Variants in MLF1 observed in about 807,000 individuals in gnomAD.
MLF1 encodes myeloid leukemia factor 1, also known as myelodysplasia-myeloid leukemia factor 1.
A neutral mutation model predicts 38.3 loss-of-function variants in MLF1; 37 were observed. That is an observed-to-expected ratio of 0.96 (90% confidence interval 0.74 to 1.27). MLF1 has a LOEUF of 1.27. MLF1 is among the 50% of genes most tolerant of loss of function. The pLI is 0.00. For synonymous variants in MLF1, 95 were observed against 106.5 expected (o/e 0.89, Z 0.66); for missense variants, 331 against 349.2 (o/e 0.95, Z 0.42).
intron 1 of MLF1, among the ~76,000 whole-genome samples, chr3:158,589,111 A>G (rs1717753097): frequency 1.3e-5 from 2 of 152,232 alleles, no homozygotes; most frequent in Non-Finnish European, 2.9e-5. Flanking sequence ...AAGAATAGTT[A>G]GTAATTTTGC....
Position 158,592,582 on chromosome 3 carries a change from G to T in MLF1, c.195+1G>T, listed in dbSNP as rs767517731. On this transcript the variant is annotated splice_donor_variant, in intron 2 of 7. Transcript: ENST00000466246. LOFTEE classifies it high-confidence loss of function. ...TAATGATGGTGAAGATTCTTTGACT[G>T]TAAGTTCTTTTTTTTAAGACAGTTA... 6.3e-7 allele frequency: 1 copy of T among 1,590,296 alleles called. No individual in the cohort carries two copies. The highest frequency in any genetic ancestry group is 8.5e-7 in the Non-Finnish European group (1 of 1,172,672).
At chr3:158,590,689 A>G (rs1717986488) in intron 1 of MLF1, 2 of 421,482 alleles carry the variant, frequency 4.7e-6, no homozygotes, top group Admixed American at 3.0e-5. Context: ...AGACCAAACT[A>G]TAATGACAGA....
intron 3 of MLF1, among the ~76,000 whole-genome samples, chr3:158,593,782 G>C (rs988087399): frequency 6.6e-6 from 1 of 151,928 alleles, no homozygotes; most frequent in Admixed American, 6.6e-5. Context: ...GTACTAAACT[G>C]TAGATAGATA....
chr3:158,588,982 G>T (rs1357995505), intron 1 of MLF1: 10 of 435,738 alleles, frequency 2.3e-5, no homozygotes, highest in Admixed American at 1.5e-4. Context: ...GTTTAAATAG[G>T]AGTTTCCCCT....
intron 6 of MLF1, 108 bp downstream of exon 6, chr3:158,600,281 T>C (rs540320463): frequency 1.9e-6 from 1 of 539,518 alleles, no homozygotes; most frequent in East Asian, 3.7e-5. Context: ...TTTTGAATAA[T>C]GCATGTAGAG....
At chr3:158,585,714 G>A (rs1023927032) in intron 1 of MLF1, among the ~76,000 whole-genome samples, 3 of 152,070 alleles carry the variant, frequency 2.0e-5, no homozygotes, top group African/African-American at 7.2e-5. Context: ...ATTCAACACA[G>A]AATCACAGAG....
At chr3:158,593,534 C>A in intron 3 of MLF1, 108 bp downstream of exon 3, 1 of 817,682 alleles carries the variant, frequency 1.2e-6, no homozygotes, top group South Asian at 2.0e-5. Flanking sequence ...TCCATAATGG[C>A]TTTTTAATGT....
At chr3:158,592,153 G>A (rs1718247312) in intron 1 of MLF1, among the ~76,000 whole-genome samples, 1 of 152,154 alleles carries the variant, frequency 6.6e-6, no homozygotes, top group Non-Finnish European at 1.5e-5. Context: ...CAGCATGGCT[G>A]TATGGATCAT....
chr3:158,582,700 T>C, intron 1 of MLF1: 1 of 495,882 alleles, frequency 2.0e-6, no homozygotes, highest in Non-Finnish European at 3.5e-6. Context: ...ATATAAAGTG[T>C]TGAGAGGAAA....
chr3:158,588,600 C>CA (rs67267045), intron 1 of MLF1, among the ~76,000 whole-genome samples: 458 of 50,446 alleles, frequency 9.1e-3, no homozygotes, highest in Non-Finnish European at 0.013. Flanking sequence ...GACTCCGTCT[C>CA]AAAAAAAAAA....
At chr3:158,583,125 TC>T (rs1397588819) in intron 1 of MLF1, among the ~76,000 whole-genome samples, 2 of 152,190 alleles carry the variant, frequency 1.3e-5, no homozygotes, top group African/African-American at 4.8e-5. Context: ...AATGTTCTTT[TC>T]TCCTTTGTGT....
intron 1 of MLF1, among the ~76,000 whole-genome samples, chr3:158,583,081 G>A (rs141033477): frequency 2.5e-3 from 375 of 152,096 alleles, no homozygotes; most frequent in African/African-American, 8.7e-3. Context: ...TGTATATCCC[G>A]GCCTTAAGTC....
At chr3:158,585,678 A>G (rs1038190146) in intron 1 of MLF1, among the ~76,000 whole-genome samples, 4 of 152,320 alleles carry the variant, frequency 2.6e-5, no homozygotes, top group Middle Eastern at 3.4e-3. Flanking sequence ...TAAGCTTGGA[A>G]ATTGAGTCAA....
intron 1 of MLF1, among the ~76,000 whole-genome samples, chr3:158,580,321 GA>G (rs934460957): frequency 2.4e-4 from 35 of 147,802 alleles, no homozygotes; most frequent in Admixed American, 1.1e-3. Flanking sequence ...TTGTGAGGTG[GA>G]AAAAAAAAGT....
chr3:158,590,323 A>G (rs1378940588), intron 1 of MLF1, among the ~76,000 whole-genome samples: 2 of 152,314 alleles, frequency 1.3e-5, no homozygotes, highest in Admixed American at 6.5e-5. Context: ...AACATTGACT[A>G]TCCTATATTT....
chr3:158,596,975 A>G, intron 4 of MLF1, 30 bp downstream of exon 4: 3 of 1,387,844 alleles, frequency 2.2e-6, no homozygotes, highest in East Asian at 4.7e-5. Flanking sequence ...CATTGAGAAC[A>G]TTGTGTATAC....
In MLF1 at chr3:158,592,463, T is replaced by G; in HGVS notation, c.77T>G (p.Met26Arg). The change falls in exon 2 of 8, where the codon ATG (methionine) becomes AGG (arginine). Residue 26 changes from methionine to arginine, a missense_variant. Physicochemically the swap from Met to Arg is moderately conservative, Grantham distance 91. Coordinates refer to ENST00000466246, the MANE Select transcript of MLF1 (RefSeq NM_001369783.1). ...TCCATTCTTGCACACCGAGAAAATA[T>G]GCGACAGATGATAAGAAGTTTTTCT... ...SESILAHREN[M>R]RQMIRSFSEP... 1 of 1,610,380 alleles carries G rather than the reference T, an allele frequency of 6.2e-7. No homozygotes were observed. The highest frequency in any genetic ancestry group is 8.5e-7 in the Non-Finnish European group (1 of 1,178,684).
In MLF1 at chr3:158,605,964, A is replaced by G. The variant is rs1236630148; in HGVS notation, c.*762A>G. On this transcript the variant is annotated 3_prime_UTR_variant, in exon 8 of 8. Transcript: ENST00000466246. ...CCACAAACAGCTTCATCTGTCTCCA[A>G]GGTTAACATTCTGAAGCTGGAGAGT... 1.6e-5 allele frequency: 3 copies of G among 183,114 alleles called. No homozygotes were observed. The highest frequency in any genetic ancestry group is 3.5e-5 in the Non-Finnish European group (3 of 86,122). The allele number at this position is 183,114 out of a possible 1,614,324, so 11.3% of individuals were successfully genotyped here. A position where few individuals can be genotyped will look rare whatever the true frequency, so the allele number is the denominator to read the frequency against.
chr3:158,582,914 CAG>C (rs1412213440), intron 1 of MLF1: 1 of 689,514 alleles, frequency 1.5e-6, no homozygotes, highest in African/African-American at 1.8e-5. Flanking sequence ...GCAAGAGCAT[CAG>C]AGAATAAGTT....
Sources: allele counts gnomAD v4.1 joint callset (sites outside exome capture counted in the v4.1 genomes callset), GRCh38; gene constraint gnomAD v4.1.1; transcripts MANE v1.5; gene names NCBI Gene and HGNC (gene_info 2026-07-23, HGNC 2026-07-21).